The following GTF2A1L variants were observed in gnomAD, a reference collection of about 807,000 sequenced individuals.
GTF2A1L encodes general transcription factor IIA subunit 1 like.
GTF2A1L carries 48 observed loss-of-function variants against 49.7 expected under a neutral mutation model. That is an observed-to-expected ratio of 0.97 (90% CI 0.77 to 1.23). The LOEUF is 1.23. GTF2A1L is among the 50% of genes most tolerant of loss of function. GTF2A1L has a pLI of 0.00. For missense variants in GTF2A1L, 736 were observed against 564.8 expected (o/e 1.30, Z -3.07); for synonymous variants, 246 against 193.5 (o/e 1.27, Z -2.25).
rs1676396609 is a variant in GTF2A1L, at chr2:48,628,232, T to C, written c.247+6942T>C. The stretch of plus-strand genomic sequence containing the variant: ...GGTAGAAAGATTTCTTTCTTTTGGA[T>C]ATATAGCCAATAATGGGATTGCTGG... On this transcript the variant is annotated intron_variant, in intron 3 of 8. Coordinates refer to ENST00000403751, the MANE Select transcript of GTF2A1L (RefSeq NM_006872.5). 1.4e-5 allele frequency among the ~76,000 whole-genome samples: 2 copies of C among 144,080 alleles called. 1 individual carries two copies. 94.5% of individuals were successfully genotyped at this position (144,080 alleles called of 152,430 possible).
intron 7 of GTF2A1L, among the ~76,000 whole-genome samples, chr2:48,670,419 T>G (rs1332294302): frequency 6.6e-6 from 1 of 152,162 alleles, no homozygotes; most frequent in Non-Finnish European, 1.5e-5. Context: ...GATTTAAACT[T>G]TTAATCTTCA....
intron 6 of GTF2A1L, among the ~76,000 whole-genome samples, chr2:48,667,831 A>G (rs1384316245): frequency 1.3e-5 from 2 of 152,212 alleles, no homozygotes; most frequent in African/African-American, 2.4e-5. Context: ...AGTTGAGTAT[A>G]TGCATATTAT....
chr2:48,669,418 A>C (rs529982726), intron 6 of GTF2A1L, among the ~76,000 whole-genome samples: 1 of 152,320 alleles, frequency 6.6e-6, no homozygotes, highest in African/African-American at 2.4e-5. Flanking sequence ...AAATCCTAAT[A>C]GGTACTATAT....
intron 7 of GTF2A1L, among the ~76,000 whole-genome samples, chr2:48,670,868 G>A (rs1435984094): frequency 6.6e-6 from 1 of 152,102 alleles, no homozygotes; most frequent in African/African-American, 2.4e-5. Context: ...CTGTTGCCCA[G>A]GCTGGAGTGC....
In GTF2A1L at chr2:48,617,965, G is replaced by A. The variant is rs923100897; in HGVS notation, c.21+70G>A. ...TCCGGGTTCACGGCAGCCGAACCCT[G>A]CACCTTTTGTTTCCCCCTGACACTT... On this transcript the variant is annotated intron_variant, in intron 1 of 8. Coordinates refer to ENST00000403751, the MANE Select transcript of GTF2A1L (RefSeq NM_006872.5). 8.2e-6 allele frequency: 12 copies of A among 1,463,586 alleles called. No individual in the cohort carries two copies. The African/African-American group carries it at 1.4e-4, about 17-fold the overall frequency. The allele number at this position is 1,463,586 out of a possible 1,614,324, so 90.7% of individuals were successfully genotyped here.
At chr2:48,658,959 T>G (rs1304225357) in intron 6 of GTF2A1L, among the ~76,000 whole-genome samples, 1 of 152,136 alleles carries the variant, frequency 6.6e-6, no homozygotes, top group African/African-American at 2.4e-5. Flanking sequence ...CTTAGTTTGG[T>G]GGGATATGAA....
chr2:48,671,797 T>C, intron 8 of GTF2A1L, 117 bp downstream of exon 8: 5 of 998,362 alleles, frequency 5.0e-6, no homozygotes, highest in East Asian at 2.6e-5. Flanking sequence ...AAAACAGCAG[T>C]TTAATTCTGG....
chr2:48,675,722 A>G (rs1679432219), intron 8 of GTF2A1L, among the ~76,000 whole-genome samples: 1 of 152,016 alleles, frequency 6.6e-6, no homozygotes. Context: ...AATATCCTAT[A>G]TCTTCGTTTG....
intron 4 of GTF2A1L, among the ~76,000 whole-genome samples, chr2:48,642,982 C>A (rs1045415352): frequency 9.9e-5 from 15 of 152,140 alleles, no homozygotes; most frequent in Admixed American, 9.8e-4. Context: ...TCTTTCAGAG[C>A]AGTTGTTAGC....
chr2:48,624,477 TAGA>T (rs1676194042), intron 3 of GTF2A1L, among the ~76,000 whole-genome samples: 1 of 143,874 alleles, frequency 7.0e-6, no homozygotes, highest in African/African-American at 2.5e-5. Flanking sequence ...GATAGATAGA[TAGA>T]TAGATAGTGA....
chr2:48,652,472 G>A (rs958748412), intron 6 of GTF2A1L, among the ~76,000 whole-genome samples: 36 of 151,176 alleles, frequency 2.4e-4, no homozygotes, highest in Non-Finnish European at 5.9e-5. Context: ...AAAAATTAGC[G>A]GAGTGTGGTG....
In GTF2A1L at chr2:48,669,879, G is replaced by A. The variant is rs779150267; in HGVS notation, c.1136G>A (p.Gly379Glu). 2 of 1,614,006 alleles carry A rather than the reference G, an allele frequency of 1.2e-6. No homozygotes were observed. The highest frequency in any genetic ancestry group is 1.7e-6 in the Non-Finnish European group (2 of 1,179,996). The change falls in exon 7 of 9, where the codon GGA (glycine) becomes GAA (glutamate). Residue 379 changes from glycine (G) to glutamate (E), a missense_variant. By Grantham distance (98) the Gly-to-Glu change is moderately conservative. Coordinates refer to ENST00000403751, the MANE Select transcript of GTF2A1L (RefSeq NM_006872.5). Reference protein sequence around the residue: ...ENEFLGNIDGGDLKVPEEEAD... With the variant: ...ENEFLGNIDGEDLKVPEEEAD... ...GAATTTCTAGGGAATATTGACGGGG[G>A]AGATCTGAAGGTACCTGAAGAAGAA...
intron 6 of GTF2A1L, among the ~76,000 whole-genome samples, chr2:48,654,242 T>C (rs6719829): frequency 0.048 from 7,261 of 152,272 alleles, 575 homozygotes; most frequent in African/African-American, 0.17. Flanking sequence ...ATTTTGACTT[T>C]CAGTCCCGTA....
chr2:48,625,731 C>G (rs898021357), intron 3 of GTF2A1L, among the ~76,000 whole-genome samples: 5 of 142,866 alleles, frequency 3.5e-5, no homozygotes, highest in African/African-American at 1.2e-4. Context: ...TACAGGCATA[C>G]TCTATCATGC....
intron 3 of GTF2A1L, among the ~76,000 whole-genome samples, chr2:48,630,410 C>A (rs533350592): frequency 2.1e-5 from 3 of 143,708 alleles, no homozygotes; most frequent in Non-Finnish European, 4.7e-5. Context: ...CTTGATTTGG[C>A]GTTCAGCTTG....
intron 6 of GTF2A1L, among the ~76,000 whole-genome samples, chr2:48,660,644 T>TTAC (rs2104268458): frequency 6.6e-6 from 1 of 151,830 alleles, no homozygotes; most frequent in African/African-American, 2.4e-5. Context: ...TAATTTTATT[T>TTAC]TATTATTATT....
intron 4 of GTF2A1L, 82 bp downstream of exon 4, chr2:48,642,539 A>G: frequency 2.1e-5 from 28 of 1,310,598 alleles, no homozygotes; most frequent in Non-Finnish European, 2.9e-5. Context: ...CATAGATGTA[A>G]TTTCTTACCC....
chr2:48,631,437 A>C (rs1311510528), intron 3 of GTF2A1L, among the ~76,000 whole-genome samples: 1 of 151,760 alleles, frequency 6.6e-6, no homozygotes, highest in Non-Finnish European at 1.5e-5. Flanking sequence ...GTATCTGAGG[A>C]TCTTTTGTAT....
intron 6 of GTF2A1L, among the ~76,000 whole-genome samples, chr2:48,656,707 A>G (rs564308446): frequency 1.3e-5 from 2 of 152,148 alleles, no homozygotes; most frequent in East Asian, 1.9e-4. Context: ...GGTGAAGTCC[A>G]TTTTATCTAT....
Sources: allele counts gnomAD v4.1 joint callset (sites outside exome capture counted in the v4.1 genomes callset), GRCh38; gene constraint gnomAD v4.1.1; transcripts MANE v1.5; gene names NCBI Gene and HGNC (gene_info 2026-07-23, HGNC 2026-07-21).